The following TENM3 variants were observed in gnomAD, a reference collection of about 807,000 sequenced individuals.
TENM3 encodes the protein teneurin-3.
TENM3 carries 63 observed loss-of-function variants against 255.1 expected under a neutral mutation model. The ratio of observed to expected loss-of-function variants is 0.25; its 90% CI spans 0.20 to 0.30. The LOEUF is 0.30. Among genes scored for constraint, TENM3 ranks in the 10% least tolerant of loss-of-function variants. TENM3 has a pLI of 1.00. For missense variants in TENM3, 2,929 were observed against 3,461.1 expected, an observed-to-expected ratio of 0.85 and a Z score of 3.86; for synonymous variants, 1,306 against 1,322.3, an observed-to-expected ratio of 0.99 and a Z score of 0.27.
the TENM3 span, among the ~76,000 whole-genome samples, chr4:181,605,886 C>T: frequency 4.6e-5 from 7 of 152,086 alleles, no homozygotes; most frequent in Non-Finnish European, 1.0e-4. Flanking sequence ...TTGATTTTTC[C>T]TCGGGGCAAT....
At chr4:181,555,115 T>C in the TENM3 span, among the ~76,000 whole-genome samples, 11 of 152,228 alleles carry the variant, frequency 7.2e-5, no homozygotes, top group African/African-American at 2.7e-4. Context: ...TAATGAGTGC[T>C]AACATTTATT....
chr4:181,859,259 A>C, the TENM3 span, among the ~76,000 whole-genome samples: 28,950 of 146,646 alleles, frequency 0.2, 3,563 homozygotes, highest in Non-Finnish European at 0.26. Context: ...AAAAAAAAAA[A>C]AAAAAAATCC....
At chr4:181,655,385 G>T in the TENM3 span, among the ~76,000 whole-genome samples, 1 of 152,142 alleles carries the variant, frequency 6.6e-6, no homozygotes, top group Non-Finnish European at 1.5e-5. Flanking sequence ...CATTAGCAGG[G>T]TTTTGGTCAT....
chr4:182,668,838 A>G (rs1754950860), intron 6 of TENM3, among the ~76,000 whole-genome samples: 1 of 152,200 alleles, frequency 6.6e-6, no homozygotes, highest in African/African-American at 2.4e-5. Context: ...ACCACAGCTA[A>G]TCCTCTTGGG....
intron 1 of TENM3, among the ~76,000 whole-genome samples, chr4:182,257,165 T>C (rs1057280162): frequency 7.2e-5 from 11 of 152,180 alleles, no homozygotes; most frequent in African/African-American, 2.7e-4. Context: ...TTCATAGATC[T>C]GGGGTGGGGC....
At chr4:181,501,700 C>T in the TENM3 span, among the ~76,000 whole-genome samples, 1 of 152,112 alleles carries the variant, frequency 6.6e-6, no homozygotes, top group Non-Finnish European at 1.5e-5. Context: ...TTTCTATGCA[C>T]AGGACCAGTC....
intron 1 of TENM3, among the ~76,000 whole-genome samples, chr4:182,220,179 C>T (rs576707805): frequency 3.4e-4 from 51 of 152,146 alleles, no homozygotes; most frequent in African/African-American, 1.2e-3. Flanking sequence ...GAGTTCAAGA[C>T]TAGCCTGGCC....
intron 13 of TENM3, among the ~76,000 whole-genome samples, chr4:182,726,448 C>CAGA (rs1346144522): frequency 6.6e-6 from 1 of 152,062 alleles, no homozygotes; most frequent in Non-Finnish European, 1.5e-5. Flanking sequence ...CCATTCCCAG[C>CAGA]AGCTTCTATA....
At chr4:181,911,624 A>G in the TENM3 span, among the ~76,000 whole-genome samples, 1 of 152,194 alleles carries the variant, frequency 6.6e-6, no homozygotes, top group Non-Finnish European at 1.5e-5. Context: ...GGAACAGCTG[A>G]GTCAGTGCAG....
At chr4:182,505,291 G>GA (rs1302426149) in intron 3 of TENM3, among the ~76,000 whole-genome samples, 1 of 151,224 alleles carries the variant, frequency 6.6e-6, no homozygotes, top group Non-Finnish European at 1.5e-5. Context: ...CTGCAAAGAT[G>GA]AAAATCTGTA....
At chr4:181,856,905 G>A in the TENM3 span, among the ~76,000 whole-genome samples, 1 of 152,124 alleles carries the variant, frequency 6.6e-6, no homozygotes, top group Admixed American at 6.5e-5. Flanking sequence ...GGCAGACTTG[G>A]GTTTCAGGGC....
intron 3 of TENM3, among the ~76,000 whole-genome samples, chr4:182,447,795 G>A (rs1773051799): frequency 6.6e-6 from 1 of 151,950 alleles, no homozygotes. Context: ...AGAAAGCACC[G>A]GTGAATCTAA....
the TENM3 span, among the ~76,000 whole-genome samples, chr4:181,742,455 C>G: frequency 6.6e-6 from 1 of 151,986 alleles, no homozygotes; most frequent in East Asian, 1.9e-4. Context: ...GGAACTATTT[C>G]TGGTGCTAGG....
At chr4:181,841,077 T>A in the TENM3 span, among the ~76,000 whole-genome samples, 2 of 152,114 alleles carry the variant, frequency 1.3e-5, no homozygotes, top group African/African-American at 4.8e-5. Context: ...GGAGAACCTA[T>A]AAGTAAGACT....
the TENM3 span, among the ~76,000 whole-genome samples, chr4:182,098,019 A>G: frequency 6.6e-6 from 1 of 152,244 alleles, no homozygotes; most frequent in African/African-American, 2.4e-5. Flanking sequence ...AAGATGGGCA[A>G]AAGTTCTGAA....
At chr4:181,560,009 A>G in the TENM3 span, among the ~76,000 whole-genome samples, 1 of 152,230 alleles carries the variant, frequency 6.6e-6, no homozygotes, top group African/African-American at 2.4e-5. Flanking sequence ...TAACAATGAC[A>G]TATTTTAGCT....
At chr4:181,488,844 A>C in the TENM3 span, among the ~76,000 whole-genome samples, 1 of 152,242 alleles carries the variant, frequency 6.6e-6, no homozygotes, top group South Asian at 2.1e-4. Context: ...CGCTTGTTAA[A>C]TTTTTCAAAA....
the TENM3 span, among the ~76,000 whole-genome samples, chr4:181,639,513 G>A: frequency 6.6e-6 from 1 of 152,264 alleles, no homozygotes; most frequent in African/African-American, 2.4e-5. Context: ...GCCGAGGCGG[G>A]TGGATCACCT....
chr4:181,786,453 AC>A, the TENM3 span, among the ~76,000 whole-genome samples: 2 of 152,166 alleles, frequency 1.3e-5, no homozygotes, highest in African/African-American at 2.4e-5. Flanking sequence ...GGGTGGACCC[AC>A]GAGGTGGGAG....
Sources: gnomAD v4.1 joint callset for allele counts (sites outside exome capture counted in the v4.1 genomes callset) on GRCh38, gnomAD v4.1.1 for gene constraint, MANE v1.5 for transcripts, NCBI Gene and HGNC (gene_info 2026-07-23, HGNC 2026-07-21) for gene names.